The following YBEY variants were observed in gnomAD, a reference collection of about 807,000 sequenced individuals.
YBEY encodes the protein ybeY metalloendoribonuclease.
YBEY carries 15 observed loss-of-function variants against 13.5 expected under a neutral mutation model. That is an observed-to-expected ratio of 1.11 (90% CI 0.75 to 1.72). YBEY has a LOEUF of 1.72. Ranked by LOEUF, YBEY falls within the 40% of genes most tolerant of loss-of-function variation. The pLI, the probability that YBEY is intolerant of heterozygous loss-of-function variation, is 0.00. For missense variants in YBEY, 244 were observed against 208.4 expected, an observed-to-expected ratio of 1.17 and a Z score of -1.05; for synonymous variants, 101 against 83.1, an observed-to-expected ratio of 1.21 and a Z score of -1.17.
chr21:46,298,590 C>T (rs916684270), downstream of YBEY, among the ~76,000 whole-genome samples: 9 of 151,658 alleles, frequency 5.9e-5, no homozygotes, highest in Admixed American at 1.3e-4. Flanking sequence ...CCACCTCGCC[C>T]GGCTAATTTT....
At chr21:46,291,542 T>TC (rs2081712585) in intron 3 of YBEY, 80 bp downstream of exon 3, 1 of 1,579,782 alleles carries the variant, frequency 6.3e-7, no homozygotes, top group Non-Finnish European at 8.6e-7. Flanking sequence ...CAACCCTGCA[T>TC]CCATGTGTGT....
downstream of YBEY, chr21:46,300,306 CT>C (rs2082072070): frequency 6.4e-6 from 1 of 155,198 alleles, no homozygotes; most frequent in African/African-American, 2.4e-5. Context: ...TGGCGGGCAC[CT>C]GTAGTCCCAG....
chr21:46,295,623 T>G (rs1264738088), intron 3 of YBEY, among the ~76,000 whole-genome samples: 1 of 151,980 alleles, frequency 6.6e-6, no homozygotes. Context: ...TGCACCTCCC[T>G]CCGCCTCCGC....
chr21:46,290,345 A>G (rs2081648995), intron 2 of YBEY, among the ~76,000 whole-genome samples: 1 of 151,994 alleles, frequency 6.6e-6, no homozygotes, highest in Non-Finnish European at 1.5e-5. Flanking sequence ...AGCTGGGGTT[A>G]CAGGCATGTG....
At position 46,288,632 on chromosome 21, in the gene YBEY, T is replaced by C. The variant is rs368676306; in HGVS notation, c.210+1509T>C. Among the ~76,000 whole-genome samples the C allele has an allele frequency of 3.2e-4, 48 of 151,346 alleles. 5 individuals carry two copies. Among genetic ancestry groups the C allele is most frequent in the Admixed American group, 2.2e-3 (34 of 15,204 alleles). ...AGTCGGAGGTTGCAGTGAGCTGAGA[T>C]TGCACCACTGCACTCCAGCCTGGCG... On this transcript the variant is annotated intron_variant, in intron 2 of 4. Coordinates refer to ENST00000397701, the MANE Select transcript of YBEY (RefSeq NM_001314025.2).
chr21:46,297,848 C>G (rs1419312446), downstream of YBEY: 3 of 1,102,456 alleles, frequency 2.7e-6, no homozygotes, highest in Non-Finnish European at 3.4e-6. Flanking sequence ...GGCCCCCGCC[C>G]GGGAGCACCG....
chr21:46,303,195 C>G, the YBEY span, among the ~76,000 whole-genome samples: 4 of 151,812 alleles, frequency 2.6e-5, no homozygotes, highest in African/African-American at 7.3e-5. Flanking sequence ...ACATCTAAGC[C>G]AGTTGTAGTG....
chr21:46,297,914 G>A (rs2082004596), downstream of YBEY, among the ~76,000 whole-genome samples: 2 of 152,248 alleles, frequency 1.3e-5, no homozygotes, highest in South Asian at 4.1e-4. Context: ...CTGCGCCCCC[G>A]GAGAGGAAGG....
At chr21:46,302,495 G>A (rs575186225), downstream of YBEY, 2 of 1,609,034 alleles carry the variant, frequency 1.2e-6, no homozygotes, top group South Asian at 1.1e-5. Context: ...CTGCAGGGCT[G>A]GGGGCAGGGC....
At chr21:46,292,174 T>G (rs942515376) in intron 3 of YBEY, 5 of 152,286 alleles carry the variant, frequency 3.3e-5, no homozygotes, top group Non-Finnish European at 7.3e-5. Context: ...CTCAAAAGTC[T>G]GAAAAACATC....
chr21:46,298,371 G>A (rs2082016783), downstream of YBEY, among the ~76,000 whole-genome samples: 1 of 151,882 alleles, frequency 6.6e-6, no homozygotes, highest in Admixed American at 6.6e-5. Context: ...TTTACTGTGA[G>A]ACATAGCTTC....
chr21:46,298,815 C>T (rs964196319), downstream of YBEY, among the ~76,000 whole-genome samples: 10 of 152,002 alleles, frequency 6.6e-5, no homozygotes, highest in South Asian at 2.1e-4. Context: ...ACCTCTGCCT[C>T]CTGGGCTCAA....
At chr21:46,296,634 G>A (rs2839205) in intron 4 of YBEY, among the ~76,000 whole-genome samples, 1 of 152,138 alleles carries the variant, frequency 6.6e-6, no homozygotes, top group Non-Finnish European at 1.5e-5. Context: ...TGGTTAACAC[G>A]CACGCAAGCC....
chr21:46,297,019 C>T (rs1168120534), intron 4 of YBEY, among the ~76,000 whole-genome samples: 1 of 151,774 alleles, frequency 6.6e-6, no homozygotes, highest in African/African-American at 2.4e-5. Context: ...AAAAAGTTGG[C>T]CAGGCGCAGT....
the YBEY span, among the ~76,000 whole-genome samples, chr21:46,303,729 ATATATATATATATATATTTTTTTT>A: frequency 2.9e-4 from 8 of 27,182 alleles, no homozygotes; most frequent in Admixed American, 1.4e-3. Context: ...ATATATATAT[ATATATATATATATATATTTTTTTT>A]TTTTTTTTTT....
At chr21:46,289,550 A>G (rs62226484) in intron 2 of YBEY, among the ~76,000 whole-genome samples, 57,164 of 150,032 alleles carry the variant, frequency 0.38, 11,850 homozygotes, top group Admixed American at 0.47. Context: ...GGTCCAAGCG[A>G]TTCTCCTGCT....
At chr21:46,303,699 C>A in the YBEY span, among the ~76,000 whole-genome samples, 1 of 110,468 alleles carries the variant, frequency 9.1e-6, no homozygotes, top group Non-Finnish European at 1.8e-5. Context: ...CACACACACA[C>A]ACACACAAAA....
At chr21:46,297,444 A>T (rs1053178553) in intron 4 of YBEY, 95 bp from the exon 5 acceptor site, 1 of 1,218,344 alleles carries the variant, frequency 8.2e-7, no homozygotes, top group African/African-American at 1.6e-5. Flanking sequence ...GGCTTCCCCC[A>T]AACCCTGTGG....
intron 3 of YBEY, among the ~76,000 whole-genome samples, chr21:46,294,530 C>A (rs533577773): frequency 1.4e-5 from 1 of 69,884 alleles, no homozygotes; most frequent in African/African-American, 7.1e-5. Context: ...TGACCCGTGC[C>A]CGGGACTCAG....
Sources: gnomAD v4.1 joint callset for allele counts (sites outside exome capture counted in the v4.1 genomes callset) on GRCh38, gnomAD v4.1.1 for gene constraint, MANE v1.5 for transcripts, NCBI Gene and HGNC (gene_info 2026-07-23, HGNC 2026-07-21) for gene names.